NAA11: variants seen among roughly 807,000 people sequenced by gnomAD.
The protein encoded by NAA11 is N-alpha-acetyltransferase 11, NatA catalytic subunit.
In NAA11, 15 loss-of-function variants were observed where a neutral mutation model predicts 16.1. The ratio of observed to expected loss-of-function variants is 0.93; its 90% CI spans 0.62 to 1.44. NAA11 has a LOEUF of 1.44. Among genes scored for constraint, NAA11 ranks in the 40% most tolerant of loss-of-function variants. The probability of loss-of-function intolerance (pLI) is 0.00; values close to 1 mark genes in which losing one functional copy is unlikely to be tolerated. For missense variants in NAA11, 298 were observed against 291.3 expected (o/e 1.02, Z -0.17); for synonymous variants, 122 against 112.4 (o/e 1.09, Z -0.54).
At chr4:79,242,265 T>C (rs892617907) in intron 2 of NAA11, among the ~76,000 whole-genome samples, 5 of 43,390 alleles carry the variant, frequency 1.2e-4, no homozygotes, top group Admixed American at 2.9e-4. Flanking sequence ...TCCTTCTTGT[T>C]AGTTTCAGCT....
the NAA11 span, among the ~76,000 whole-genome samples, chr4:79,187,859 C>G: frequency 2.0e-5 from 3 of 151,800 alleles, no homozygotes. Context: ...ATTAGCCGGG[C>G]ACGGTGGCGG....
At chr4:79,196,955 CAAAAAAAAAAAA>C in the NAA11 span, among the ~76,000 whole-genome samples, 2 of 86,168 alleles carry the variant, frequency 2.3e-5, no homozygotes, top group Non-Finnish European at 4.2e-5. Flanking sequence ...ATGAAAAAGA[CAAAAAAAAAAAA>C]AAAAAAAAAA....
chr4:79,303,813 AAC>A, intron 1 of NAA11, among the ~76,000 whole-genome samples: 1 of 152,182 alleles, frequency 6.6e-6, no homozygotes. Flanking sequence ...AGAGTATGAA[AAC>A]ACAGACCTTT....
chr4:79,181,263 C>T, the NAA11 span, among the ~76,000 whole-genome samples: 1 of 151,320 alleles, frequency 6.6e-6, no homozygotes, highest in Non-Finnish European at 1.5e-5. Flanking sequence ...CCTTTGTCCA[C>T]TTCCCTGGTT....
intron 2 of NAA11, among the ~76,000 whole-genome samples, chr4:79,238,099 G>T (rs1721612824): frequency 6.6e-6 from 1 of 152,112 alleles, no homozygotes. Context: ...TTTCACCTTG[G>T]CATCTGGGTT....
intron 2 of NAA11, among the ~76,000 whole-genome samples, chr4:79,232,347 A>G (rs1359122345): frequency 6.6e-6 from 1 of 151,884 alleles, no homozygotes; most frequent in Non-Finnish European, 1.5e-5. Flanking sequence ...TCCCTTTTCC[A>G]CAACTCTCCC....
chr4:79,173,556 A>T, the NAA11 span, among the ~76,000 whole-genome samples: 1 of 150,944 alleles, frequency 6.6e-6, no homozygotes, highest in Non-Finnish European at 1.5e-5. Context: ...ATAGATAAAT[A>T]CAACAACAAA....
At chr4:79,310,872 G>T (rs1723751322) in intron 1 of NAA11, among the ~76,000 whole-genome samples, 1 of 152,184 alleles carries the variant, frequency 6.6e-6, no homozygotes, top group Non-Finnish European at 1.5e-5. Flanking sequence ...GAAGTGAAAA[G>T]GTGATATGGG....
intron 2 of NAA11, among the ~76,000 whole-genome samples, chr4:79,264,088 C>T (rs1722293926): frequency 6.6e-6 from 1 of 152,130 alleles, no homozygotes; most frequent in Non-Finnish European, 1.5e-5. Context: ...TGTCTCTTCT[C>T]CTGTTTAAAT....
At chr4:79,277,276 G>A (rs1049231789) in intron 2 of NAA11, among the ~76,000 whole-genome samples, 1 of 152,014 alleles carries the variant, frequency 6.6e-6, no homozygotes, top group South Asian at 2.1e-4. Flanking sequence ...AGCCGTTATA[G>A]GTGTACTTAT....
chr4:79,223,366 A>G (rs1220018649), downstream of NAA11, among the ~76,000 whole-genome samples: 3 of 150,568 alleles, frequency 2.0e-5, no homozygotes, highest in Non-Finnish European at 4.4e-5. Flanking sequence ...GAAATTGGAA[A>G]TCATCATTCT....
intron 2 of NAA11, among the ~76,000 whole-genome samples, chr4:79,255,655 C>A (rs1722092094): frequency 6.6e-6 from 1 of 152,164 alleles, no homozygotes; most frequent in Non-Finnish European, 1.5e-5. Flanking sequence ...TGATGCAGGG[C>A]AGACAAGCCT....
intron 1 of NAA11, among the ~76,000 whole-genome samples, chr4:79,296,416 C>T (rs1057170328): frequency 2.0e-5 from 3 of 152,178 alleles, no homozygotes; most frequent in African/African-American, 7.2e-5. Context: ...ACACCTTACC[C>T]AGTGCCTAGA....
At chr4:79,278,452 T>C (rs1272709478) in intron 2 of NAA11, among the ~76,000 whole-genome samples, 1 of 152,138 alleles carries the variant, frequency 6.6e-6, no homozygotes, top group Non-Finnish European at 1.5e-5. Context: ...TGAAAATTTT[T>C]CCCTAAACTG....
intron 2 of NAA11, chr4:79,227,109 A>G (rs931307684): frequency 6.6e-6 from 1 of 152,042 alleles, no homozygotes; most frequent in African/African-American, 2.4e-5. Flanking sequence ...TGACTTTTTA[A>G]TGATCGCCAT....
At chr4:79,312,309 C>A (rs1723795035), downstream of NAA11, among the ~76,000 whole-genome samples, 1 of 152,064 alleles carries the variant, frequency 6.6e-6, no homozygotes, top group African/African-American at 2.4e-5. Context: ...AGATGCTTGC[C>A]CTAATGTACT....
chr4:79,204,618 C>A, the NAA11 span, among the ~76,000 whole-genome samples: 1 of 145,116 alleles, frequency 6.9e-6, no homozygotes, highest in Non-Finnish European at 1.5e-5. Flanking sequence ...TTTGGTTACA[C>A]AGATAAATTG....
downstream of NAA11, among the ~76,000 whole-genome samples, chr4:79,224,572 T>G (rs1721270313): frequency 6.6e-6 from 1 of 151,914 alleles, no homozygotes; most frequent in South Asian, 2.1e-4. Context: ...CTGAGAAGTA[T>G]TTGCTGAGAA....
chr4:79,311,271 AATT>A (rs1723762459), intron 1 of NAA11, among the ~76,000 whole-genome samples: 1 of 152,230 alleles, frequency 6.6e-6, no homozygotes, highest in Non-Finnish European at 1.5e-5. Context: ...CAGGGTACCC[AATT>A]ATTATAACAA....
Sources: allele counts gnomAD v4.1 joint callset (sites outside exome capture counted in the v4.1 genomes callset), GRCh38; gene constraint gnomAD v4.1.1; transcripts MANE v1.5; gene names NCBI Gene and HGNC (gene_info 2026-07-23, HGNC 2026-07-21).